Variants in PLS3 observed in about 807,000 individuals in gnomAD.
PLS3 encodes the protein plastin 3, also known as plastin-3.
PLS3 carries 11 observed loss-of-function variants against 46.5 expected under a neutral mutation model. The observed-to-expected ratio is 0.24, with a 90% confidence interval of 0.15 to 0.39. The LOEUF (loss-of-function observed/expected upper bound fraction) is 0.39. Ranked by LOEUF, PLS3 falls within the 10% of genes least tolerant of loss-of-function variation. PLS3 has a pLI of 1.00. For synonymous variants in PLS3, 167 were observed against 162.2 expected (o/e 1.03, Z -0.22); for missense variants, 308 against 461.8 (o/e 0.67, Z 3.05).
At chrX:115,631,746 A>G (rs1203639470) in intron 5 of PLS3, among the ~76,000 whole-genome samples, 3 of 110,597 alleles carry the variant, frequency 2.7e-5, no homozygotes, top group Non-Finnish European at 5.7e-5. Context: ...GAATATATAT[A>G]TATACATTTC....
At chrX:115,633,968 T>C in intron 5 of PLS3, 32 bp from the exon 6 acceptor site, 1 of 750,088 alleles carries the variant, frequency 1.3e-6, no homozygotes, top group South Asian at 2.2e-5. Context: ...TCTTTTTTTT[T>C]ACATCAGCCT....
chrX:115,640,838 C>T (rs1445231850), intron 9 of PLS3, among the ~76,000 whole-genome samples: 43 of 111,393 alleles, frequency 3.9e-4, no homozygotes, highest in Non-Finnish European at 1.3e-4. Context: ...AAAACCTTTT[C>T]CAAGTATTTG....
At chrX:115,577,365 T>C (rs1450875339) in intron 1 of PLS3, among the ~76,000 whole-genome samples, 1 of 111,910 alleles carries the variant, frequency 8.9e-6, no homozygotes, top group Non-Finnish European at 1.9e-5. Context: ...TGACAAAACT[T>C]CAATCCTAAA....
Position 115,611,351 on chromosome X carries a change from G to C in PLS3, c.73+1028G>C, listed in dbSNP as rs183051855. Reference sequence around the variant, plus strand: ...ATCTAACATGATCGCGCGCACGCGCGTGTGTGTGTGTGTATAAAAATAGCA... The same window carrying C: ...ATCTAACATGATCGCGCGCACGCGCCTGTGTGTGTGTGTATAAAAATAGCA... On this transcript the variant is annotated intron_variant, in intron 2 of 15. Coordinates refer to ENST00000355899, the MANE Select transcript of PLS3 (RefSeq NM_005032.7). Among the ~76,000 whole-genome samples the C allele has an allele frequency of 6.9e-3, 729 of 106,261 alleles. 5 individuals carry two copies. The highest frequency in any genetic ancestry group is 0.027 in the African/African-American group (676 of 25,466). 92.3% of individuals were successfully genotyped at this position (106,261 alleles called of 115,157 possible). A position where few individuals can be genotyped will look rare whatever the true frequency, so the allele number is the denominator to read the frequency against.
At chrX:115,644,639 A>G (rs2074933399) in intron 10 of PLS3, among the ~76,000 whole-genome samples, 2 of 100,494 alleles carry the variant, frequency 2.0e-5, no homozygotes, top group Admixed American at 1.1e-4. Flanking sequence ...AATAATGCAA[A>G]TAGTAATTCA....
At chrX:115,641,206 A>G (rs2147570507) in intron 9 of PLS3, among the ~76,000 whole-genome samples, 1 of 106,994 alleles carries the variant, frequency 9.3e-6, no homozygotes, top group African/African-American at 3.4e-5. Context: ...ACATTGGCTA[A>G]ACCATTTTTC....
intron 1 of PLS3, among the ~76,000 whole-genome samples, chrX:115,601,864 CAG>C (rs1410372452): frequency 1.8e-5 from 2 of 111,479 alleles, no homozygotes; most frequent in Non-Finnish European, 3.8e-5. Context: ...TAGAAAAAAA[CAG>C]GGAAAATAAT....
chrX:115,567,698 C>T (rs868951591), intron 1 of PLS3, among the ~76,000 whole-genome samples: 1 of 99,874 alleles, frequency 1.0e-5, no homozygotes, highest in Admixed American at 1.1e-4. Flanking sequence ...ATTTTCTTTT[C>T]TTTTCTTCTT....
chrX:115,609,734 A>G (rs781998836), intron 1 of PLS3, among the ~76,000 whole-genome samples: 36 of 112,744 alleles, frequency 3.2e-4, no homozygotes, highest in Admixed American at 1.1e-3. Flanking sequence ...GTGCATTTTT[A>G]TATCAAAACC....
chrX:115,634,050 A>G lies in PLS3; in HGVS notation c.551A>G (p.Asn184Ser). The G allele has an allele frequency of 8.7e-7, 1 of 1,155,503 alleles. No individual in the cohort carries two copies. Among genetic ancestry groups the G allele is most frequent in the Non-Finnish European group, 1.2e-6 (1 of 846,317 alleles). The change falls in exon 6 of 16, where the codon AAC becomes AGC. Residue 184 changes from asparagine to serine, a missense_variant. Physicochemically the swap from Asn to Ser is conservative, Grantham distance 46. Coordinates refer to ENST00000355899, the MANE Select transcript of PLS3 (RefSeq NM_005032.7). ...GATACCATTGATGAAAGAGCAATCA[A>G]CAAGAAGAAACTTACACCCTTCATC... ...VPDTIDERAI[N>S]KKKLTPFIIQ...
intron 1 of PLS3, among the ~76,000 whole-genome samples, chrX:115,567,091 T>C (rs1638374016): frequency 8.9e-6 from 1 of 111,978 alleles, no homozygotes; most frequent in African/African-American, 3.3e-5. Flanking sequence ...AGAATTTTGG[T>C]CTTCAGTGGT....
chrX:115,585,803 T>A (rs1385617414), intron 1 of PLS3, among the ~76,000 whole-genome samples: 1 of 111,556 alleles, frequency 9.0e-6, no homozygotes, highest in Non-Finnish European at 1.9e-5. Context: ...TGCTCTCCCC[T>A]TTTTTGAGAT....
chrX:115,640,498 T>G lies in PLS3; in HGVS notation c.982T>G (p.Phe328Val). ...EPRIDINMSG[F>V]NETDDLKRAE... ...ACGGATAGATATTAACATGTCAGGT[T>G]TCAATGTAAGTATAAGTGCTCTTTT... Residue 328 changes from phenylalanine to valine, a missense_variant, in exon 9 of 16, where the codon TTC (phenylalanine) becomes GTC (valine). Transcript: ENST00000355899. The G allele has an allele frequency of 2.7e-6, 3 of 1,103,490 alleles. No individual in the cohort carries two copies. The highest frequency in any genetic ancestry group is 3.8e-6 in the Non-Finnish European group (3 of 797,573). The allele number at this position is 1,103,490 out of a possible 1,213,427, so 90.9% of individuals were successfully genotyped here.
intron 1 of PLS3, among the ~76,000 whole-genome samples, chrX:115,583,900 A>G (rs782226796): frequency 1.8e-5 from 2 of 111,020 alleles, no homozygotes; most frequent in South Asian, 7.6e-4. Context: ...GGCAAGTTTG[A>G]GGAAAAACTT....
chrX:115,609,543 C>T (rs782028613), intron 1 of PLS3, among the ~76,000 whole-genome samples: 1 of 111,711 alleles, frequency 9.0e-6, no homozygotes, highest in Non-Finnish European at 1.9e-5. Context: ...CCTTTAATAA[C>T]CATATCCAGC....
chrX:115,607,524 A>T (rs2074505761), intron 1 of PLS3, among the ~76,000 whole-genome samples: 1 of 100,787 alleles, frequency 9.9e-6, no homozygotes. Flanking sequence ...TTTGAGACAG[A>T]GTCTCACTCT....
At chrX:115,564,460 G>A (rs1159298330) in intron 1 of PLS3, among the ~76,000 whole-genome samples, 1 of 111,826 alleles carries the variant, frequency 8.9e-6, no homozygotes, top group African/African-American at 3.2e-5. Flanking sequence ...CAGTATCTAG[G>A]GCACTATCAG....
intron 10 of PLS3, among the ~76,000 whole-genome samples, chrX:115,643,808 G>A (rs782221778): frequency 1.0e-3 from 116 of 110,614 alleles, no homozygotes; most frequent in African/African-American, 3.7e-3. Flanking sequence ...CCGTCTCTAC[G>A]AAAAATTAAA....
chrX:115,648,944 C>T (rs1199147227), intron 15 of PLS3, among the ~76,000 whole-genome samples: 2 of 111,299 alleles, frequency 1.8e-5, no homozygotes, highest in African/African-American at 3.3e-5. Flanking sequence ...GTTTTTGGTC[C>T]AGCCACTCTG....
Sources: allele counts gnomAD v4.1 joint callset (sites outside exome capture counted in the v4.1 genomes callset), GRCh38; gene constraint gnomAD v4.1.1; transcripts MANE v1.5; gene names NCBI Gene and HGNC (gene_info 2026-07-23, HGNC 2026-07-21).